The following RFX4 variants were observed in gnomAD, a reference collection of about 807,000 sequenced individuals.
RFX4 encodes transcription factor RFX4.
RFX4 carries 10 observed loss-of-function variants against 95.0 expected under a neutral mutation model. The observed-to-expected ratio is 0.11, with a 90% CI of 0.06 to 0.18. The LOEUF (loss-of-function observed/expected upper bound fraction) is 0.18. Among genes scored for constraint, RFX4 ranks in the 10% least tolerant of loss-of-function variants. The pLI, the probability that RFX4 is intolerant of heterozygous loss-of-function variation, is 1.00. For synonymous variants in RFX4, 321 were observed against 340.7 expected, an observed-to-expected ratio of 0.94 and a Z score of 0.64; for missense variants, 640 against 922.0, an observed-to-expected ratio of 0.69 and a Z score of 3.96.
At position 106,714,068 on chromosome 12, in the gene RFX4, C is replaced by CAAAAAAAAAAAAAAAAAAAAA. The variant is rs58283896; in HGVS notation, c.994-1329_994-1309dup. Among the ~76,000 whole-genome samples the CAAAAAAAAAAAAAAAAAAAAA allele has an allele frequency of 1.9e-3, 57 of 30,508 alleles. 6 individuals are homozygous for CAAAAAAAAAAAAAAAAAAAAA. Among genetic ancestry groups the CAAAAAAAAAAAAAAAAAAAAA allele is most frequent in the African/African-American group, 3.2e-3 (21 of 6,476 alleles). The allele number at this position is 30,508 out of a possible 152,430, so 20.0% of individuals were successfully genotyped here. ...GGGCAACAAGAGTGAAACTCCATCT[C>CAAAAAAAAAAAAAAAAAAAAA]AAAAAAAAAAAAAAAAAAAAAAAGC... On this transcript the variant is annotated intron_variant, in intron 10 of 17. Coordinates refer to ENST00000392842, the MANE Select transcript of RFX4 (RefSeq NM_213594.3).
intron 8 of RFX4, among the ~76,000 whole-genome samples, chr12:106,700,346 A>T (rs986308665): frequency 6.6e-6 from 1 of 150,776 alleles, no homozygotes; most frequent in African/African-American, 2.4e-5. Flanking sequence ...TTGTCTTTTT[A>T]AAAATACCTC....
chr12:106,587,679 G>A (rs981546779), intron 1 of RFX4, among the ~76,000 whole-genome samples: 3 of 152,212 alleles, frequency 2.0e-5, no homozygotes, highest in African/African-American at 7.2e-5. Context: ...CAGTGCGCCC[G>A]CCTCCCCAGG....
chr12:106,652,636 G>A (rs567451956), intron 3 of RFX4, among the ~76,000 whole-genome samples: 5 of 152,282 alleles, frequency 3.3e-5, no homozygotes, highest in East Asian at 1.9e-4. Flanking sequence ...TGAGATGATC[G>A]GGGACTATTC....
At chr12:106,659,927 G>A (rs2041038980) in intron 4 of RFX4, among the ~76,000 whole-genome samples, 1 of 152,168 alleles carries the variant, frequency 6.6e-6, no homozygotes, top group Non-Finnish European at 1.5e-5. Flanking sequence ...TAGTCATCTG[G>A]TGATCTCCTA....
At chr12:106,590,056 A>G (rs576647889) in intron 1 of RFX4, among the ~76,000 whole-genome samples, 1 of 152,384 alleles carries the variant, frequency 6.6e-6, no homozygotes, top group Admixed American at 6.5e-5. Context: ...ATAAGTAAAC[A>G]CAAAAATAGA....
intron 10 of RFX4, among the ~76,000 whole-genome samples, chr12:106,714,197 G>GA (rs535957847): frequency 3.2e-4 from 45 of 142,576 alleles, no homozygotes; most frequent in East Asian, 2.4e-3. Flanking sequence ...GCTCAGGAAA[G>GA]AAAAAAAAAA....
intron 15 of RFX4, among the ~76,000 whole-genome samples, chr12:106,745,929 A>AT (rs1478576082): frequency 2.0e-5 from 3 of 152,220 alleles, no homozygotes; most frequent in African/African-American, 7.2e-5. Context: ...TCAAATTATC[A>AT]TTAAAAAAAA....
chr12:106,687,102 C>T lies in RFX4; in HGVS notation c.591+5C>T. On this transcript the variant is annotated splice_donor_5th_base_variant and intron_variant, in intron 6 of 17. Coordinates refer to ENST00000392842, the MANE Select transcript of RFX4 (RefSeq NM_213594.3). ...GCCAGCCTGCCTGAGGAGAAGGTAA[C>T]TACAACTGAAGTGACTATTTGGGGT... 1 of 1,610,484 alleles carries T rather than the reference C, an allele frequency of 6.2e-7. No homozygotes were observed. The highest frequency in any genetic ancestry group is 8.5e-7 in the Non-Finnish European group (1 of 1,178,196).
intron 8 of RFX4, among the ~76,000 whole-genome samples, chr12:106,700,057 A>C (rs1345727869): frequency 6.6e-6 from 1 of 151,838 alleles, no homozygotes; most frequent in East Asian, 1.9e-4. Context: ...ACAGGGTCTT[A>C]CTCTGTCACC....
intron 15 of RFX4, among the ~76,000 whole-genome samples, chr12:106,734,061 G>A (rs1480305523): frequency 6.6e-6 from 1 of 152,172 alleles, no homozygotes; most frequent in Non-Finnish European, 1.5e-5. Context: ...CTTAATGAAA[G>A]AAGCCAGACA....
At chr12:106,632,261 C>T (rs1050056332) in intron 2 of RFX4, among the ~76,000 whole-genome samples, 4 of 152,034 alleles carry the variant, frequency 2.6e-5, no homozygotes, top group African/African-American at 9.7e-5. Flanking sequence ...GAAGACCAGG[C>T]GCTGGGGCAG....
intron 8 of RFX4, among the ~76,000 whole-genome samples, chr12:106,703,344 A>C (rs1332233641): frequency 6.6e-6 from 1 of 152,230 alleles, no homozygotes; most frequent in East Asian, 1.9e-4. Flanking sequence ...ATAGGTTAAC[A>C]AAGGTTACCT....
rs1356045658 is a variant in RFX4 at position 106,720,932 on chromosome 12, C to G, written c.1351+56C>G. 2.0e-6 allele frequency: 3 copies of G among 1,469,496 alleles called. No homozygotes were observed. Among genetic ancestry groups the G allele is most frequent in the Non-Finnish European group, 2.9e-6 (3 of 1,050,864 alleles). The allele number at this position is 1,469,496 out of a possible 1,614,324, so 91.0% of individuals were successfully genotyped here. A position where few individuals can be genotyped will look rare whatever the true frequency, so the allele number is the denominator to read the frequency against. On this transcript the variant is annotated intron_variant, in intron 13 of 17. Transcript: ENST00000392842. The surrounding 1 kb of genome is among the most constrained non-coding windows in gnomAD (Gnocchi z 4.2). ...AGCACTTTTTCCTCTGGGCACGGAG[C>G]CCAGAGGAATCTACCACAGTCTAAC... is the stretch of plus-strand genomic sequence containing the variant.
At chr12:106,603,237 C>A (rs1175112687) in intron 1 of RFX4, among the ~76,000 whole-genome samples, 4 of 152,196 alleles carry the variant, frequency 2.6e-5, no homozygotes, top group Non-Finnish European at 5.9e-5. Flanking sequence ...CCACTCTGAA[C>A]CTTGAACTGC....
intron 1 of RFX4, among the ~76,000 whole-genome samples, chr12:106,597,547 A>T (rs1226622161): frequency 6.6e-6 from 1 of 152,230 alleles, no homozygotes; most frequent in Non-Finnish European, 1.5e-5. Flanking sequence ...AAACCCTGTG[A>T]GCTGTTACTG....
chr12:106,732,196 G>A lies in RFX4; in HGVS notation c.1418G>A (p.Cys473Tyr), dbSNP rs199581397. 2.5e-6 allele frequency: 4 copies of A among 1,614,032 alleles called. No individual in the cohort carries two copies. In the Admixed American group the frequency reaches 6.7e-5, roughly 27 times the overall value. The change falls in exon 14 of 18, where the codon TGT becomes TAT. Residue 473 changes from cysteine (C) to tyrosine (Y), a missense_variant. By Grantham distance (194) the Cys-to-Tyr change is radical. This residue lies in a region of RFX4 where 300 missense variants were observed against 346.8 expected (regional missense o/e 0.87). Transcript: ENST00000392842. ...YVLYLLESLH[C>Y]QERANELMRA... ...CTCTACCTGTTAGAATCTCTGCACT[G>A]TCAGGAGCGGGCCAATGAGCTCATG... is the stretch of plus-strand genomic sequence containing the variant.
intron 4 of RFX4, among the ~76,000 whole-genome samples, chr12:106,675,383 A>T (rs1340170930): frequency 6.6e-6 from 1 of 152,162 alleles, no homozygotes; most frequent in African/African-American, 2.4e-5. Context: ...GTGAGCTGAG[A>T]TGGTGCCACT....
At chr12:106,615,116 C>T (rs1266114459) in intron 2 of RFX4, among the ~76,000 whole-genome samples, 3 of 152,032 alleles carry the variant, frequency 2.0e-5, no homozygotes, top group African/African-American at 7.2e-5. Flanking sequence ...TACTATTTTA[C>T]CTTTCATTTT....
chr12:106,753,085 C>T (rs2043039100), intron 17 of RFX4, among the ~76,000 whole-genome samples: 1 of 152,152 alleles, frequency 6.6e-6, no homozygotes, highest in Non-Finnish European at 1.5e-5. Context: ...GGAAAAAAAC[C>T]CAACTGACCG....
Sources: allele counts gnomAD v4.1 joint callset (sites outside exome capture counted in the v4.1 genomes callset), GRCh38; gene constraint gnomAD v4.1.1; regional missense constraint gnomAD v4.1.1; non-coding constraint Gnocchi (gnomAD v3.1); transcripts MANE v1.5; gene names NCBI Gene and HGNC (gene_info 2026-07-23, HGNC 2026-07-21).